The following MAP2K4 variants were observed in gnomAD, a reference collection of about 807,000 sequenced individuals.
The protein encoded by MAP2K4 is dual specificity mitogen-activated protein kinase kinase 4.
MAP2K4 carries 4 observed loss-of-function variants against 48.5 expected under a neutral mutation model. That is an observed-to-expected ratio of 0.08 (90% CI 0.04 to 0.19). The LOEUF (loss-of-function observed/expected upper bound fraction) is 0.19, where lower values mean the gene tolerates loss of function less well. Among genes scored for constraint, MAP2K4 ranks in the 10% least tolerant of loss-of-function variants. The pLI is 1.00. For synonymous variants in MAP2K4, 166 were observed against 173.1 expected (o/e 0.96, Z 0.32); for missense variants, 258 against 493.3 (o/e 0.52, Z 4.52).
intron 7 of MAP2K4, among the ~76,000 whole-genome samples, chr17:12,118,245 G>A (rs926839637): frequency 1.2e-4 from 19 of 152,146 alleles, no homozygotes; most frequent in Admixed American, 4.6e-4. Context: ...GTTTTGGCAT[G>A]ATTACCCCAG....
intron 2 of MAP2K4, among the ~76,000 whole-genome samples, chr17:12,080,660 C>G (rs1971160484): frequency 6.6e-6 from 1 of 152,060 alleles, no homozygotes; most frequent in Non-Finnish European, 1.5e-5. Context: ...CCTCTTAGAG[C>G]CAGCTAGCTA....
chr17:12,136,085 A>T (rs1254785004), intron 9 of MAP2K4, among the ~76,000 whole-genome samples: 1 of 152,232 alleles, frequency 6.6e-6, no homozygotes, highest in African/African-American at 2.4e-5. Flanking sequence ...GGTTGGAAAG[A>T]TATGCTCCTC....
chr17:12,038,010 T>G (rs1354026559), intron 1 of MAP2K4, among the ~76,000 whole-genome samples: 1 of 152,140 alleles, frequency 6.6e-6, no homozygotes, highest in Admixed American at 6.6e-5. Flanking sequence ...TTGGGGATGC[T>G]TAATGTGTGA....
At chr17:12,101,509 A>C (rs954585617) in intron 4 of MAP2K4, among the ~76,000 whole-genome samples, 2 of 152,070 alleles carry the variant, frequency 1.3e-5, no homozygotes, top group African/African-American at 4.8e-5. Flanking sequence ...TGTGGATTTT[A>C]GAATCCACTT....
intron 1 of MAP2K4, among the ~76,000 whole-genome samples, chr17:12,023,004 C>T (rs1307555218): frequency 6.6e-6 from 1 of 152,328 alleles, no homozygotes; most frequent in Middle Eastern, 3.4e-3. Context: ...CCGTTCTCCT[C>T]AGCCCTTGTA....
At chr17:12,140,015 T>A in intron 10 of MAP2K4, 131 bp downstream of exon 10, 1 of 563,176 alleles carries the variant, frequency 1.8e-6, no homozygotes, top group Non-Finnish European at 3.0e-6. Flanking sequence ...TGTTTTTTGT[T>A]AATGTTTTTA....
intron 8 of MAP2K4, 149 bp downstream of exon 8, chr17:12,125,520 T>A (rs1283543192): frequency 1.7e-5 from 11 of 642,800 alleles, no homozygotes; most frequent in Non-Finnish European, 3.1e-5. Flanking sequence ...AAAGTATGTA[T>A]TTATTTACTT....
chr17:12,101,698 T>C (rs895143464), intron 4 of MAP2K4, among the ~76,000 whole-genome samples: 1 of 152,130 alleles, frequency 6.6e-6, no homozygotes, highest in African/African-American at 2.4e-5. Context: ...CTTCTTTAAT[T>C]TTTCTCAGCA....
chr17:12,028,103 A>G (rs1443630295), intron 1 of MAP2K4, among the ~76,000 whole-genome samples: 4 of 152,216 alleles, frequency 2.6e-5, no homozygotes, highest in African/African-American at 7.2e-5. Flanking sequence ...ATTGAGGCTC[A>G]TAGAAGTTAG....
At chr17:12,038,250 A>G (rs1969662075) in intron 1 of MAP2K4, among the ~76,000 whole-genome samples, 1 of 152,136 alleles carries the variant, frequency 6.6e-6, no homozygotes, top group Non-Finnish European at 1.5e-5. Context: ...TTTTCAGATA[A>G]GGTGTAGTAA....
chr17:12,052,616 C>T (rs939510663), intron 1 of MAP2K4, among the ~76,000 whole-genome samples: 1 of 152,068 alleles, frequency 6.6e-6, no homozygotes, highest in Non-Finnish European at 1.5e-5. Context: ...CCTTGTCTTG[C>T]ATTTTATCTT....
At chr17:12,065,051 ATT>A (rs1221026742) in intron 2 of MAP2K4, among the ~76,000 whole-genome samples, 1 of 152,070 alleles carries the variant, frequency 6.6e-6, no homozygotes, top group Non-Finnish European at 1.5e-5. Context: ...TCTGGAGGAG[ATT>A]GACAAGAATG....
chr17:12,034,011 G>A (rs1380461158), intron 1 of MAP2K4, among the ~76,000 whole-genome samples: 2 of 151,976 alleles, frequency 1.3e-5, no homozygotes, highest in Non-Finnish European at 2.9e-5. Context: ...GGCTGGTCTC[G>A]AACTCCTGGC....
intron 4 of MAP2K4, among the ~76,000 whole-genome samples, chr17:12,103,704 C>T (rs1972015695): frequency 6.6e-6 from 1 of 152,080 alleles, no homozygotes; most frequent in Non-Finnish European, 1.5e-5. Flanking sequence ...TTTTCCCCTA[C>T]ATTTTACATA....
At chr17:12,107,120 A>C (rs1972139688) in intron 4 of MAP2K4, among the ~76,000 whole-genome samples, 1 of 152,180 alleles carries the variant, frequency 6.6e-6, no homozygotes, top group African/African-American at 2.4e-5. Flanking sequence ...GCCAGCATCC[A>C]GTCATTTAAC....
chr17:12,091,235 G>A (rs1424972972), intron 3 of MAP2K4, among the ~76,000 whole-genome samples: 1 of 152,210 alleles, frequency 6.6e-6, no homozygotes, highest in Non-Finnish European at 1.5e-5. Flanking sequence ...GATGTTATAA[G>A]CTGTCAACAT....
At chr17:12,121,320 G>T (rs746661322) in intron 7 of MAP2K4, among the ~76,000 whole-genome samples, 1 of 151,822 alleles carries the variant, frequency 6.6e-6, no homozygotes, top group East Asian at 1.9e-4. Context: ...ATCCAAAATC[G>T]AAACACTCAG....
chr17:12,073,883 A>C (rs1483648623), intron 2 of MAP2K4, among the ~76,000 whole-genome samples: 2 of 149,070 alleles, frequency 1.3e-5, no homozygotes, highest in East Asian at 4.0e-4. Flanking sequence ...AAGAGATTCT[A>C]CTGCCTCAGC....
chr17:12,036,894 C>G (rs1038899618), intron 1 of MAP2K4, among the ~76,000 whole-genome samples: 24 of 127,292 alleles, frequency 1.9e-4, no homozygotes, highest in African/African-American at 6.4e-4. Context: ...CTATCCTCCC[C>G]CCCGCCACCT....
Sources: allele counts gnomAD v4.1 joint callset (sites outside exome capture counted in the v4.1 genomes callset), GRCh38; gene constraint gnomAD v4.1.1; transcripts MANE v1.5; gene names NCBI Gene and HGNC (gene_info 2026-07-23, HGNC 2026-07-21).